Variants in YES1 observed in about 807,000 individuals in gnomAD.
YES1 encodes YES proto-oncogene 1, Src family tyrosine kinase, also known as tyrosine-protein kinase Yes.
In YES1, 39 loss-of-function variants were observed where a neutral mutation model predicts 70.4. The observed-to-expected ratio is 0.55, with a 90% CI of 0.43 to 0.72. The LOEUF is 0.72. Ranked by LOEUF, YES1 falls within the 30% of genes least tolerant of loss-of-function variation. The pLI, the probability that YES1 is intolerant of heterozygous loss-of-function variation, is 0.00. For synonymous variants in YES1, 198 were observed against 218.6 expected, an observed-to-expected ratio of 0.91 and a Z score of 0.83; for missense variants, 495 against 644.8, an observed-to-expected ratio of 0.77 and a Z score of 2.52.
rs779520964 is a variant in YES1 at position 789,616 on chromosome 18, C to A, written c.-9+22498G>T. 1.0e-3 allele frequency among the ~76,000 whole-genome samples: 154 copies of A among 152,198 alleles called. 1 individual carries two copies. Among genetic ancestry groups the A allele is most frequent in the Non-Finnish European group, 1.8e-3 (122 of 68,008 alleles). ...AACAAAAACCCCCAAAACAAAAAAA[C>A]CCAACAACGTTCTACATCAATGAAC... On this transcript the variant is annotated intron_variant, in intron 1 of 11. Coordinates refer to ENST00000314574, the MANE Select transcript of YES1 (RefSeq NM_005433.4).
At chr18:748,768 T>C (rs1266417969) in intron 3 of YES1, among the ~76,000 whole-genome samples, 2 of 150,192 alleles carry the variant, frequency 1.3e-5, no homozygotes, top group Non-Finnish European at 2.9e-5. Flanking sequence ...GTACATAAAA[T>C]TGTAATACTC....
At chr18:773,838 C>T (rs1464003572) in intron 1 of YES1, among the ~76,000 whole-genome samples, 2 of 148,176 alleles carry the variant, frequency 1.3e-5, no homozygotes, top group African/African-American at 2.5e-5. Context: ...ACACTTTTCC[C>T]TTTTTTTTTT....
chr18:780,431 TAGCAC>T (rs1245496900), intron 1 of YES1, among the ~76,000 whole-genome samples: 1 of 152,000 alleles, frequency 6.6e-6, no homozygotes, highest in Non-Finnish European at 1.5e-5. Flanking sequence ...GATCTTAGCT[TAGCAC>T]AATAGCACAC....
At chr18:774,204 T>C (rs1905274337) in intron 1 of YES1, among the ~76,000 whole-genome samples, 1 of 152,156 alleles carries the variant, frequency 6.6e-6, no homozygotes, top group South Asian at 2.1e-4. Context: ...TCAGTCTCCT[T>C]TGCTAACTGT....
intron 10 of YES1, among the ~76,000 whole-genome samples, chr18:734,300 T>C (rs534073731): frequency 4.2e-5 from 6 of 144,470 alleles, no homozygotes; most frequent in Admixed American, 6.9e-5. Flanking sequence ...CACGCCTGTA[T>C]TCCCAGCACT....
intron 1 of YES1, among the ~76,000 whole-genome samples, chr18:763,540 C>CA (rs1342604744): frequency 1.3e-5 from 2 of 151,438 alleles, no homozygotes; most frequent in African/African-American, 2.4e-5. Context: ...ACAAAAAATA[C>CA]AAAAAATTAC....
chr18:787,080 CTTTTTTTTTTTTTTT>C (rs71174290), intron 1 of YES1, among the ~76,000 whole-genome samples: 15 of 34,752 alleles, frequency 4.3e-4, no homozygotes, highest in Admixed American at 1.7e-3. Context: ...TACATACTGT[CTTTTTTTTTTTTTTT>C]TTTTTTTTTT....
intron 1 of YES1, among the ~76,000 whole-genome samples, chr18:757,262 G>A (rs1448260516): frequency 2.0e-5 from 3 of 152,166 alleles, no homozygotes; most frequent in Non-Finnish European, 2.9e-5. Flanking sequence ...CCAGCACTTT[G>A]GGAGGCCAAG....
chr18:798,299 T>C (rs915460612), intron 1 of YES1, among the ~76,000 whole-genome samples: 2 of 152,234 alleles, frequency 1.3e-5, no homozygotes, highest in Admixed American at 6.5e-5. Flanking sequence ...TAGCTATAAA[T>C]TTATCTCTAA....
At chr18:741,530 G>A (rs937391766) in intron 8 of YES1, among the ~76,000 whole-genome samples, 3 of 152,202 alleles carry the variant, frequency 2.0e-5, no homozygotes, top group Non-Finnish European at 4.4e-5. Flanking sequence ...TGGGCTGGGT[G>A]TGGTGGCTCA....
At chr18:799,644 A>G (rs1906718275) in intron 1 of YES1, among the ~76,000 whole-genome samples, 2 of 152,320 alleles carry the variant, frequency 1.3e-5, no homozygotes, top group African/African-American at 2.4e-5. Context: ...TGGAGGTAGC[A>G]GTGAGCTGAG....
Position 752,786 on chromosome 18 carries a change from T to C in YES1, c.272-982A>G, listed in dbSNP as rs374813646. Among the ~76,000 whole-genome samples the C allele has an allele frequency of 5.3e-5, 8 of 152,050 alleles. No individual in the cohort carries two copies. In the East Asian group the frequency reaches 1.6e-3, roughly 29 times the overall value. The stretch of plus-strand genomic sequence containing the variant: ...GGCGAAACCCTGTCTGTACTAAAAA[T>C]ACAAAAATTAGCCAGGCATGGTGGC... On this transcript the variant is annotated intron_variant, in intron 2 of 11. Transcript: ENST00000314574.
At chr18:736,635 G>GA in intron 10 of YES1, 173 bp downstream of exon 10, 1 of 819,082 alleles carries the variant, frequency 1.2e-6, no homozygotes, top group Non-Finnish European at 1.8e-6. Context: ...TTTCTTGGAG[G>GA]AAATAACTAT....
rs781497236 is a variant in YES1, at chr18:743,381, A to C, written c.759T>G (p.Thr253=). 6.2e-7 allele frequency: 1 copy of C among 1,612,972 alleles called. No homozygotes were observed. The highest frequency in any genetic ancestry group is 1.1e-5 in the South Asian group (1 of 91,016). The change falls in exon 7 of 12, where the codon ACT becomes ACG. Residue 253 remains threonine (T), a synonymous_variant. Transcript: ENST00000314574. The part of the protein sequence containing the change: ...HADGLCHKLT[T]VCPTVKPQTQ... ...TCTGAGGTTTCACAGTTGGACACAC[A>C]GTTGTCAACTTGTGGCATAAACCAT... is the stretch of plus-strand genomic sequence containing the variant.
chr18:800,488 G>A (rs539665163), intron 1 of YES1, among the ~76,000 whole-genome samples: 29 of 152,322 alleles, frequency 1.9e-4, no homozygotes, highest in Non-Finnish European at 4.0e-4. Flanking sequence ...GAGTTGTACT[G>A]TAGATATTGT....
chr18:808,925 T>C (rs1354074538), intron 1 of YES1, among the ~76,000 whole-genome samples: 1 of 152,242 alleles, frequency 6.6e-6, no homozygotes, highest in Non-Finnish European at 1.5e-5. Flanking sequence ...TGAGATTTCA[T>C]GGCATTCTTA....
intron 6 of YES1, among the ~76,000 whole-genome samples, chr18:744,976 T>C (rs1366234511): frequency 2.0e-5 from 3 of 152,234 alleles, no homozygotes; most frequent in Middle Eastern, 3.4e-3. Context: ...TAAATTCACA[T>C]TGTGACAAAG....
chr18:742,845 G>C, intron 8 of YES1, 73 bp downstream of exon 8: 2 of 1,267,920 alleles, frequency 1.6e-6, no homozygotes, highest in Non-Finnish European at 2.1e-6. Flanking sequence ...AACAGTATAA[G>C]TCTATATGCA....
At chr18:734,150 A>G (rs964106378) in intron 10 of YES1, among the ~76,000 whole-genome samples, 44 of 151,482 alleles carry the variant, frequency 2.9e-4, no homozygotes, top group African/African-American at 1.0e-3. Flanking sequence ...GTGGTGGTGC[A>G]TGCCTGTAAT....
Sources: gnomAD v4.1 joint callset for allele counts (sites outside exome capture counted in the v4.1 genomes callset) on GRCh38, gnomAD v4.1.1 for gene constraint, MANE v1.5 for transcripts, NCBI Gene and HGNC (gene_info 2026-07-23, HGNC 2026-07-21) for gene names.